Variants in CDC42SE2 observed in about 807,000 individuals in gnomAD.
CDC42SE2 encodes CDC42 small effector 2, also known as CDC42 small effector protein 2.
A neutral mutation model predicts 11.5 loss-of-function variants in CDC42SE2; 3 were observed. The observed-to-expected ratio is 0.26, with a 90% CI of 0.12 to 0.67. The LOEUF is 0.67. Among genes scored for constraint, CDC42SE2 ranks in the 30% least tolerant of loss-of-function variants. The pLI is 0.80. For missense variants in CDC42SE2, 82 were observed against 106.8 expected (o/e 0.77, Z 1.02); for synonymous variants, 33 against 34.8 (o/e 0.95, Z 0.18).
Position 131,391,168 on chromosome 5 carries a change from T to A in CDC42SE2, c.*77T>A. ...CCAGACATGGCCAGGCCAATAATAG[T>A]AAATATATGTATATATATATAATTT... On this transcript the variant is annotated 3_prime_UTR_variant, in exon 5 of 5. Coordinates refer to ENST00000505065, the MANE Select transcript of CDC42SE2 (RefSeq NM_001375635.1). 1.4e-6 allele frequency: 1 copy of A among 721,744 alleles called. No individual in the cohort carries two copies. The highest frequency in any genetic ancestry group is 2.2e-6 in the Non-Finnish European group (1 of 459,708). 44.7% of individuals were successfully genotyped at this position (721,744 alleles called of 1,614,324 possible).
chr5:131,335,255 G>C (rs1269633852), intron 2 of CDC42SE2, among the ~76,000 whole-genome samples: 1 of 152,208 alleles, frequency 6.6e-6, no homozygotes, highest in Non-Finnish European at 1.5e-5. Flanking sequence ...AGGTTGTTCA[G>C]TTTCCATGTA....
chr5:131,299,074 G>A (rs1221605567), intron 1 of CDC42SE2, among the ~76,000 whole-genome samples: 2 of 152,140 alleles, frequency 1.3e-5, no homozygotes, highest in Non-Finnish European at 2.9e-5. Context: ...AAGAAATTGA[G>A]AATGGTTGGA....
At chr5:131,309,028 T>G (rs557428164) in intron 1 of CDC42SE2, among the ~76,000 whole-genome samples, 115 of 151,164 alleles carry the variant, frequency 7.6e-4, no homozygotes, top group African/African-American at 2.6e-3. Flanking sequence ...TGTGCCAGTT[T>G]TCAAAGGGAA....
upstream of CDC42SE2, chr5:131,261,387 CATT>C (rs1436027853): frequency 6.6e-6 from 1 of 152,154 alleles, no homozygotes; most frequent in Non-Finnish European, 1.5e-5. Context: ...TGATGAAACA[CATT>C]GTCAATTTTT....
intron 2 of CDC42SE2, among the ~76,000 whole-genome samples, chr5:131,257,887 C>A (rs146306282): frequency 6.6e-6 from 1 of 152,174 alleles, no homozygotes; most frequent in Non-Finnish European, 1.5e-5. Flanking sequence ...AGATGGGAGA[C>A]CCCCTGGTGC....
chr5:131,228,098 T>C, the CDC42SE2 span, among the ~76,000 whole-genome samples: 3 of 152,280 alleles, frequency 2.0e-5, no homozygotes, highest in African/African-American at 7.2e-5. Flanking sequence ...TCCCAGCTAC[T>C]TGAGAGGCTG....
intron 2 of CDC42SE2, among the ~76,000 whole-genome samples, chr5:131,347,505 C>T (rs945508786): frequency 6.6e-6 from 1 of 152,076 alleles, no homozygotes; most frequent in Non-Finnish European, 1.5e-5. Flanking sequence ...AGGCAATAAT[C>T]AATAGCCTAC....
In CDC42SE2 at chr5:131,341,193, C is replaced by A. The variant is rs142792027; in HGVS notation, c.-285-18016C>A. Reference sequence around the variant, plus strand: ...CAACATTTTCCAGTTTGAAAGAGGTCATTCAGACCCCAGTACAATGATGAA... The same window carrying A: ...CAACATTTTCCAGTTTGAAAGAGGTAATTCAGACCCCAGTACAATGATGAA... On this transcript the variant is annotated intron_variant, in intron 2 of 4. Transcript: ENST00000505065. Among the ~76,000 whole-genome samples the A allele has an allele frequency of 3.2e-3, 483 of 152,190 alleles. 3 individuals carry two copies. Among genetic ancestry groups the A allele is most frequent in the African/African-American group, 0.011 (461 of 41,512 alleles).
intron 1 of CDC42SE2, among the ~76,000 whole-genome samples, chr5:131,312,259 G>C (rs938495757): frequency 6.6e-6 from 1 of 152,060 alleles, no homozygotes; most frequent in African/African-American, 2.4e-5. Flanking sequence ...GCTTCTCGGG[G>C]GTTAGGGGTC....
intron 1 of CDC42SE2, among the ~76,000 whole-genome samples, chr5:131,267,181 A>G (rs985026605): frequency 1.3e-4 from 19 of 151,428 alleles, no homozygotes; most frequent in Non-Finnish European, 2.4e-4. Flanking sequence ...CAGCCTCCCA[A>G]GTAGCTGGGA....
At chr5:131,353,743 TA>T (rs955101293) in intron 2 of CDC42SE2, among the ~76,000 whole-genome samples, 7 of 150,548 alleles carry the variant, frequency 4.6e-5, no homozygotes, top group African/African-American at 7.3e-5. Context: ...CCATCTCTAC[TA>T]AAAAAAATAC....
chr5:131,322,282 T>C (rs1382791851), intron 2 of CDC42SE2, among the ~76,000 whole-genome samples: 1 of 152,218 alleles, frequency 6.6e-6, no homozygotes, highest in Non-Finnish European at 1.5e-5. Context: ...CTTTTTCACT[T>C]TGCAAAACTG....
At chr5:131,286,141 A>G (rs1037909919) in intron 1 of CDC42SE2, among the ~76,000 whole-genome samples, 4 of 150,490 alleles carry the variant, frequency 2.7e-5, no homozygotes, top group Non-Finnish European at 5.9e-5. Context: ...TGCAGCCTCA[A>G]CCTCCTGGGC....
At position 131,266,124 on chromosome 5, in the gene CDC42SE2, A is replaced by G. The variant is rs73262377; in HGVS notation, c.-455+1958A>G. Among the ~76,000 whole-genome samples the G allele has an allele frequency of 5.7e-3, 869 of 152,302 alleles. 14 individuals carry two copies. Among genetic ancestry groups the G allele is most frequent in the African/African-American group, 0.019 (783 of 41,564 alleles). Reference sequence around the variant, plus strand: ...ATGTGGACTTATCTTTTAGTATTGCAACTGTGATAAAACTACTAATTTAAA... The same window carrying G: ...ATGTGGACTTATCTTTTAGTATTGCGACTGTGATAAAACTACTAATTTAAA... On this transcript the variant is annotated intron_variant, in intron 1 of 4. Coordinates refer to ENST00000505065, the MANE Select transcript of CDC42SE2 (RefSeq NM_001375635.1).
upstream of CDC42SE2, among the ~76,000 whole-genome samples, chr5:131,242,994 C>G (rs1756552668): frequency 6.6e-6 from 1 of 152,112 alleles, no homozygotes; most frequent in Admixed American, 6.5e-5. Flanking sequence ...GTAAAGGATC[C>G]CAGAACTGTT....
At chr5:131,310,707 T>G (rs1374078739) in intron 1 of CDC42SE2, among the ~76,000 whole-genome samples, 1 of 152,180 alleles carries the variant, frequency 6.6e-6, no homozygotes, top group African/African-American at 2.4e-5. Flanking sequence ...TGTAATGGCC[T>G]TGTCTCTTTT....
intron 1 of CDC42SE2, among the ~76,000 whole-genome samples, chr5:131,273,806 C>A (rs1757045333): frequency 6.6e-6 from 1 of 151,292 alleles, no homozygotes; most frequent in South Asian, 2.1e-4. Flanking sequence ...TGAGGCAGGG[C>A]CTTGCTCATC....
chr5:131,219,129 TTGTTA>T, the CDC42SE2 span, among the ~76,000 whole-genome samples: 2 of 151,894 alleles, frequency 1.3e-5, no homozygotes. Context: ...CTGCTTTTAT[TTGTTA>T]TAAGAAAATG....
rs528526948 is a variant in CDC42SE2, at chr5:131,334,423, C to G, written c.-286+18279C>G. Among the ~76,000 whole-genome samples the G allele has an allele frequency of 2.0e-5, 3 of 152,180 alleles. No homozygotes were observed. In the South Asian group the frequency reaches 6.2e-4, roughly 32 times the overall value. ...TCATCAAGGATATTGGTCTAAAATTCTCTTTTTTGGTTGTGTCTCTGCCCG... is the reference window on the plus strand; with the variant it reads ...TCATCAAGGATATTGGTCTAAAATTGTCTTTTTTGGTTGTGTCTCTGCCCG... On this transcript the variant is annotated intron_variant, in intron 2 of 4. Coordinates refer to ENST00000505065, the MANE Select transcript of CDC42SE2 (RefSeq NM_001375635.1).
Sources: gnomAD v4.1 joint callset for allele counts (sites outside exome capture counted in the v4.1 genomes callset) on GRCh38, gnomAD v4.1.1 for gene constraint, MANE v1.5 for transcripts, NCBI Gene and HGNC (gene_info 2026-07-23, HGNC 2026-07-21) for gene names.